The following SIPA1L2 variants were observed in gnomAD, a reference collection of about 807,000 sequenced individuals.
SIPA1L2 encodes the protein signal-induced proliferation-associated 1-like protein 2.
Under a neutral mutation model 163.9 loss-of-function variants are expected in SIPA1L2, and 56 were observed. That is an observed-to-expected ratio of 0.34 (90% confidence interval 0.28 to 0.43). SIPA1L2 has a LOEUF of 0.43. Ranked by LOEUF, SIPA1L2 falls within the 20% of genes least tolerant of loss-of-function variation. The probability of loss-of-function intolerance (pLI) is 1.00; values close to 1 mark genes in which losing one functional copy is unlikely to be tolerated. For synonymous variants in SIPA1L2, 877 were observed against 865.7 expected (o/e 1.01, Z -0.23); for missense variants, 1,974 against 2,193.5 (o/e 0.90, Z 2.00).
chr1:232,570,355 A>G (rs1659648618), intron 2 of SIPA1L2, among the ~76,000 whole-genome samples: 2 of 152,264 alleles, frequency 1.3e-5, no homozygotes, highest in Admixed American at 1.3e-4. Flanking sequence ...TCTACAAAGA[A>G]GTATGCAACA....
chr1:232,474,513 C>T (rs1664942429), intron 7 of SIPA1L2, among the ~76,000 whole-genome samples: 1 of 152,188 alleles, frequency 6.6e-6, no homozygotes, highest in Admixed American at 6.5e-5. Flanking sequence ...TGCAAAAATA[C>T]AGTAAGATAG....
intron 1 of SIPA1L2, among the ~76,000 whole-genome samples, chr1:232,618,384 G>A (rs991801150): frequency 5.3e-5 from 8 of 152,074 alleles, no homozygotes; most frequent in Non-Finnish European, 5.9e-5. Context: ...GGCTGGGCGC[G>A]GTGGCTCACA....
chr1:232,507,718 C>G (rs1666792437), intron 3 of SIPA1L2, among the ~76,000 whole-genome samples: 1 of 152,196 alleles, frequency 6.6e-6, no homozygotes, highest in African/African-American at 2.4e-5. Context: ...AAAGCAAACA[C>G]AGTCATTAAC....
At chr1:232,573,308 A>G (rs1373263023) in intron 2 of SIPA1L2, among the ~76,000 whole-genome samples, 1 of 152,186 alleles carries the variant, frequency 6.6e-6, no homozygotes, top group African/African-American at 2.4e-5. Context: ...TGAGTAAGGA[A>G]TCGATATTAG....
chr1:232,421,281 G>A (rs963051968), intron 18 of SIPA1L2, among the ~76,000 whole-genome samples: 1 of 152,134 alleles, frequency 6.6e-6, no homozygotes, highest in Non-Finnish European at 1.5e-5. Context: ...GTAGTATCAG[G>A]GAACCACTGC....
intron 5 of SIPA1L2, among the ~76,000 whole-genome samples, chr1:232,486,211 G>A (rs988331759): frequency 2.6e-5 from 4 of 152,162 alleles, no homozygotes; most frequent in South Asian, 2.1e-4. Context: ...AAGCAGAGCC[G>A]TCACCAGCCT....
At chr1:232,596,864 A>ATCT (rs1661281361) in intron 1 of SIPA1L2, among the ~76,000 whole-genome samples, 4 of 152,142 alleles carry the variant, frequency 2.6e-5, no homozygotes, top group African/African-American at 9.7e-5. Flanking sequence ...ATCTGATTAG[A>ATCT]AAATGGTTCA....
chr1:232,484,135 AAAT>A (rs1052361984), intron 5 of SIPA1L2, among the ~76,000 whole-genome samples, 169 bp from the exon 6 acceptor site: 7 of 152,234 alleles, frequency 4.6e-5, no homozygotes, highest in African/African-American at 1.7e-4. Context: ...AAGATGCTAC[AAAT>A]AATAACCCAG....
rs956859566 is a variant in SIPA1L2, at chr1:232,406,781, G to A, written c.4763-2603C>T. Among the ~76,000 whole-genome samples the A allele has an allele frequency of 4.6e-5, 7 of 150,580 alleles. 1 individual carries two copies. In the South Asian group the frequency reaches 1.5e-3, roughly 32 times the overall value. On this transcript the variant is annotated intron_variant, in intron 19 of 22. Coordinates refer to ENST00000674635, the MANE Select transcript of SIPA1L2 (RefSeq NM_020808.5). ...GTCTGTTGAGGGTGAGGAATAGAAC[G>A]ATAGTGCCTGCCCCAGATACATGCC...
rs1664424083 is a variant in SIPA1L2, at chr1:232,464,833, T to C, written c.2820+7A>G. On this transcript the variant is annotated splice_region_variant and intron_variant, in intron 9 of 22. Transcript: ENST00000674635. ...GGATGGCGGGAAAATAGAAAACATGTACTTACTACTAATCGCTGAACAATT... is the reference window on the plus strand; with the variant it reads ...GGATGGCGGGAAAATAGAAAACATGCACTTACTACTAATCGCTGAACAATT... 2 of 1,564,556 alleles carry C rather than the reference T, an allele frequency of 1.3e-6. No individual in the cohort carries two copies. Among genetic ancestry groups the C allele is most frequent in the East Asian group, 2.3e-5 (1 of 44,422 alleles).
Position 232,443,694 on chromosome 1 carries a change from T to A in SIPA1L2, c.3354-9A>T, listed in dbSNP as rs764096602. On this transcript the variant is annotated splice_polypyrimidine_tract_variant and intron_variant, in intron 11 of 22. Transcript: ENST00000674635. ...GGTTGCTGGGTGAGCTTCTGAAAGG[T>A]TGAGTAGAATCATTAACAGGGCACT... 1 of 1,605,384 alleles carries A rather than the reference T, an allele frequency of 6.2e-7. No homozygotes were observed.
At chr1:232,424,322 C>CA (rs55961523) in intron 18 of SIPA1L2, among the ~76,000 whole-genome samples, 858 of 71,666 alleles carry the variant, frequency 0.012, 68 homozygotes, top group East Asian at 0.085. Flanking sequence ...GTGAAGCTAA[C>CA]AAAAAAAAAA....
At chr1:232,575,222 T>A (rs925711591) in intron 1 of SIPA1L2, among the ~76,000 whole-genome samples, 1 of 152,148 alleles carries the variant, frequency 6.6e-6, no homozygotes, top group Non-Finnish European at 1.5e-5. Flanking sequence ...GCTCTCTAAA[T>A]GCTGCCAAGA....
intron 2 of SIPA1L2, among the ~76,000 whole-genome samples, chr1:232,558,320 G>T (rs962015323): frequency 1.8e-4 from 27 of 152,190 alleles, no homozygotes; most frequent in Admixed American, 1.4e-3. Flanking sequence ...TCAGCCACTA[G>T]ATGGGGAGTC....
intron 3 of SIPA1L2, among the ~76,000 whole-genome samples, chr1:232,504,676 T>C (rs1666642069): frequency 6.6e-6 from 1 of 152,236 alleles, no homozygotes; most frequent in Admixed American, 6.5e-5. Flanking sequence ...TTTTTGCTCT[T>C]TTGACCCAAA....
chr1:232,597,312 G>A (rs1024169862), intron 1 of SIPA1L2, among the ~76,000 whole-genome samples: 7 of 152,060 alleles, frequency 4.6e-5, no homozygotes, highest in African/African-American at 1.5e-4. Context: ...GGTGGGGATA[G>A]TGAACTGGTA....
intron 1 of SIPA1L2, among the ~76,000 whole-genome samples, chr1:232,616,078 T>C (rs941788422): frequency 4.6e-5 from 7 of 152,234 alleles, no homozygotes; most frequent in Non-Finnish European, 1.0e-4. Flanking sequence ...CTGACTGACA[T>C]ACAGGCCCCA....
chr1:232,491,296 G>A (rs1208349681), intron 4 of SIPA1L2, among the ~76,000 whole-genome samples: 2 of 152,122 alleles, frequency 1.3e-5, no homozygotes, highest in South Asian at 2.1e-4. Flanking sequence ...ATGAGCAGAT[G>A]TATGCCTAAG....
chr1:232,448,870 C>T (rs1663375728), intron 10 of SIPA1L2, among the ~76,000 whole-genome samples: 1 of 152,156 alleles, frequency 6.6e-6, no homozygotes, highest in South Asian at 2.1e-4. Context: ...CACTGCGGGA[C>T]AACAGCAGTG....
Sources: allele counts gnomAD v4.1 joint callset (sites outside exome capture counted in the v4.1 genomes callset), GRCh38; gene constraint gnomAD v4.1.1; transcripts MANE v1.5; gene names NCBI Gene and HGNC (gene_info 2026-07-23, HGNC 2026-07-21).